The following ADCY7 variants were observed in gnomAD, a reference collection of about 807,000 sequenced individuals.
The protein encoded by ADCY7 is adenylate cyclase 7.
ADCY7 carries 72 observed loss-of-function variants against 120.6 expected under a neutral mutation model. That is an observed-to-expected ratio of 0.60 (90% CI 0.49 to 0.73). ADCY7 has a LOEUF of 0.73. ADCY7 is among the 30% of genes least tolerant of loss of function. ADCY7 has a pLI of 0.00. For missense variants in ADCY7, 1,227 were observed against 1,486.0 expected (o/e 0.83, Z 2.87); for synonymous variants, 661 against 628.0 (o/e 1.05, Z -0.78).
At chr16:50,309,499 G>A (rs369663323) in intron 17 of ADCY7, 49 bp from the exon 18 acceptor site, 1 of 1,526,138 alleles carries the variant, frequency 6.6e-7, no homozygotes, top group South Asian at 1.1e-5. Flanking sequence ...GCTTGGGCAG[G>A]TTCCAGCGTT....
chr16:50,314,401 G>A lies in ADCY7; in HGVS notation c.2966G>A (p.Arg989His), dbSNP rs1170474430. 1.9e-6 allele frequency: 3 copies of A among 1,613,212 alleles called. No individual in the cohort carries two copies. The highest frequency in any genetic ancestry group is 1.7e-5 in the Admixed American group (1 of 60,030). ...NRHSFNSFRLRVGINHGPVIA... is the reference protein window; with the variant it reads ...NRHSFNSFRLHVGINHGPVIA... ...CACTCCTTCAACTCCTTCCGCCTCC[G>A]CGTCGGTGAGCCCGGGTGATGGAGC... is the stretch of plus-strand genomic sequence containing the variant. The change falls in exon 24 of 26, where the codon CGC (arginine) becomes CAC (histidine). Residue 989 changes from arginine (R) to histidine (H), a missense_variant. By Grantham distance (29) the Arg-to-His change is conservative. Transcript: ENST00000673801.
intron 6 of ADCY7, among the ~76,000 whole-genome samples, 154 bp from the exon 7 acceptor site, chr16:50,294,486 C>T (rs565086737): frequency 1.0e-3 from 158 of 152,302 alleles, no homozygotes; most frequent in African/African-American, 3.4e-3. Context: ...TGGCTGGGCG[C>T]GACTCTCCCA....
At chr16:50,259,962 G>A (rs771849891) in intron 1 of ADCY7, among the ~76,000 whole-genome samples, 2 of 152,210 alleles carry the variant, frequency 1.3e-5, no homozygotes, top group Non-Finnish European at 2.9e-5. Context: ...AATGTTCCCC[G>A]CCTCCCAGCG....
At chr16:50,244,897 C>T (rs2032535808), upstream of ADCY7, among the ~76,000 whole-genome samples, 1 of 150,624 alleles carries the variant, frequency 6.6e-6, no homozygotes, top group African/African-American at 2.4e-5. Context: ...GAGGAGCTGC[C>T]TGACCAGCGC....
chr16:50,306,081 C>T (rs918460552), intron 14 of ADCY7, among the ~76,000 whole-genome samples: 2 of 152,196 alleles, frequency 1.3e-5, no homozygotes, highest in African/African-American at 2.4e-5. Context: ...AGAGATTTGC[C>T]TCCATGGGTC....
At chr16:50,263,646 C>A (rs942587730), upstream of ADCY7, among the ~76,000 whole-genome samples, 2 of 152,122 alleles carry the variant, frequency 1.3e-5, no homozygotes, top group African/African-American at 4.8e-5. Context: ...GGGGAACCCC[C>A]CTCCTGTGTC....
In ADCY7 at chr16:50,290,515, C is replaced by T. The variant is rs146074597; in HGVS notation, c.230C>T (p.Ala77Val). 1.6e-4 allele frequency: 258 copies of T among 1,614,200 alleles called. No homozygotes were observed. The highest frequency in any genetic ancestry group is 2.0e-4 in the Non-Finnish European group (233 of 1,180,054). Residue 77 changes from alanine to valine, a missense_variant, in exon 3 of 26, where the codon GCG (alanine) becomes GTG (valine). Physicochemically the swap from Ala to Val is moderately conservative, Grantham distance 64 (BLOSUM62 0). This residue lies in a region of ADCY7 where 382 missense variants were observed against 411.4 expected (regional missense o/e 0.93). Transcript: ENST00000673801. ...GCGTTCCTGGTGCTGGCGGTGTTTGCGGCCCTCTCTGTGCTGATGTACGTC... is the reference window on the plus strand; with the variant it reads ...GCGTTCCTGGTGCTGGCGGTGTTTGTGGCCCTCTCTGTGCTGATGTACGTC... ...GMAFLVLAVFAALSVLMYVEC... is the reference protein window; with the variant it reads ...GMAFLVLAVFVALSVLMYVEC...
At chr16:50,251,151 G>A (rs938831398) in intron 1 of ADCY7, among the ~76,000 whole-genome samples, 2 of 151,872 alleles carry the variant, frequency 1.3e-5, no homozygotes, top group African/African-American at 2.4e-5. Flanking sequence ...GAGGCAGGAG[G>A]ATCACTTGAG....
chr16:50,310,665 G>C, intron 18 of ADCY7, 22 bp from the exon 19 acceptor site: 3 of 1,611,818 alleles, frequency 1.9e-6, no homozygotes, highest in Non-Finnish European at 2.5e-6. Context: ...GCCCTGTCCT[G>C]AGTGACACCC....
intron 1 of ADCY7, among the ~76,000 whole-genome samples, chr16:50,260,651 C>T (rs548783977): frequency 1.3e-5 from 2 of 152,362 alleles, no homozygotes; most frequent in South Asian, 4.1e-4. Context: ...ATCAAGCTGC[C>T]TGTCAAGCTG....
chr16:50,292,959 C>T (rs1257433035), intron 5 of ADCY7, 134 bp downstream of exon 5: 3 of 1,180,848 alleles, frequency 2.5e-6, no homozygotes, highest in Non-Finnish European at 3.6e-6. Flanking sequence ...CTCGGTGAGT[C>T]CTGGGCTCCA....
chr16:50,299,112 A>G (rs970880054), intron 8 of ADCY7, 81 bp downstream of exon 8: 2 of 1,462,530 alleles, frequency 1.4e-6, no homozygotes, highest in Non-Finnish European at 1.8e-6. Context: ...TGTCATTCTC[A>G]TGTCACAGAT....
intron 3 of ADCY7, among the ~76,000 whole-genome samples, chr16:50,291,203 C>CCTGG (rs935344075): frequency 2.2e-4 from 34 of 152,116 alleles, no homozygotes; most frequent in African/African-American, 8.2e-4. Context: ...GACCAGTGGG[C>CCTGG]CTGGGTCCTA....
intron 21 of ADCY7, 50 bp downstream of exon 21, chr16:50,312,241 C>A: frequency 1.3e-6 from 2 of 1,598,672 alleles, no homozygotes; most frequent in Non-Finnish European, 8.5e-7. Flanking sequence ...ACGGTCCAGG[C>A]GCAGTCCGTA....
intron 12 of ADCY7, 126 bp downstream of exon 12, chr16:50,305,085 A>G (rs2035972823): frequency 3.2e-6 from 4 of 1,253,126 alleles, no homozygotes; most frequent in Non-Finnish European, 4.6e-6. Flanking sequence ...GAAGTTGGCC[A>G]GGGCTTGGGT....
At chr16:50,309,017 G>A (rs2151072640) in intron 17 of ADCY7, 1 of 476,822 alleles carries the variant, frequency 2.1e-6, no homozygotes, top group South Asian at 4.1e-5. Context: ...CCAGGAGGAT[G>A]TGATGCCTTG....
chr16:50,263,948 C>T (rs1305671305), upstream of ADCY7, among the ~76,000 whole-genome samples: 3 of 152,184 alleles, frequency 2.0e-5, no homozygotes, highest in African/African-American at 7.2e-5. Context: ...CTCCTGCATA[C>T]GCAAACGGGT....
At chr16:50,261,935 G>C (rs930818626), upstream of ADCY7, among the ~76,000 whole-genome samples, 1 of 152,174 alleles carries the variant, frequency 6.6e-6, no homozygotes, top group Non-Finnish European at 1.5e-5. Flanking sequence ...GGTGGTTTTT[G>C]TTCTCATATC....
At chr16:50,289,128 G>A (rs1482092897) in intron 2 of ADCY7, 1 of 283,970 alleles carries the variant, frequency 3.5e-6, no homozygotes, top group Non-Finnish European at 7.0e-6. Flanking sequence ...TACCCATGCA[G>A]ACATCATTAA....
Sources: allele counts gnomAD v4.1 joint callset (sites outside exome capture counted in the v4.1 genomes callset), GRCh38; gene constraint gnomAD v4.1.1; regional missense constraint gnomAD v4.1.1; transcripts MANE v1.5; gene names NCBI Gene and HGNC (gene_info 2026-07-23, HGNC 2026-07-21).